PLEKHH1: variants seen among roughly 807,000 people sequenced by gnomAD.
PLEKHH1 encodes the protein pleckstrin homology, MyTH4 and FERM domain containing H1, also known as pleckstrin homology domain-containing family H member 1.
PLEKHH1 carries 104 observed loss-of-function variants against 160.0 expected under a neutral mutation model. The observed-to-expected ratio is 0.65, with a 90% CI of 0.55 to 0.76. PLEKHH1 has a LOEUF of 0.76. Ranked by LOEUF, PLEKHH1 falls within the 30% of genes least tolerant of loss-of-function variation. The pLI is 0.00. For synonymous variants in PLEKHH1, 619 were observed against 678.4 expected (o/e 0.91, Z 1.36); for missense variants, 1,427 against 1,724.1 (o/e 0.83, Z 3.05).
At chr14:67,542,141 C>G (rs779738717) in intron 2 of PLEKHH1, 148 bp downstream of exon 2, 41 of 762,254 alleles carry the variant, frequency 5.4e-5, no homozygotes, top group Non-Finnish European at 7.4e-5. Flanking sequence ...TAGTTTAAGA[C>G]CAAAGTCCGA....
At chr14:67,555,948 C>A in intron 3 of PLEKHH1, 61 bp downstream of exon 3, 1 of 1,588,032 alleles carries the variant, frequency 6.3e-7, no homozygotes, top group Admixed American at 1.8e-5. Flanking sequence ...CCTTCCAGGC[C>A]CTTCCCACGG....
In PLEKHH1 at chr14:67,573,490, G is replaced by A; in HGVS notation, c.1839+104G>A. 1 of 807,956 alleles carries A rather than the reference G, an allele frequency of 1.2e-6. No individual in the cohort carries two copies. Among genetic ancestry groups the A allele is most frequent in the Non-Finnish European group, 2.0e-6 (1 of 494,108 alleles). 50.0% of individuals were successfully genotyped at this position (807,956 alleles called of 1,614,324 possible). ...GGGGGAATGTGGCCCAAGGCCAGAG[G>A]GCAAAGGTCTGGCAGGTGGGGAGAG... On this transcript the variant is annotated intron_variant, in intron 12 of 28. Transcript: ENST00000329153. This position sits in a 1 kb window ranked among gnomAD's most constrained non-coding sequence, Gnocchi z 4.8.
intron 8 of PLEKHH1, 40 bp downstream of exon 8, chr14:67,569,256 G>T: frequency 7.1e-7 from 1 of 1,399,824 alleles, no homozygotes. Flanking sequence ...AAACACCCAA[G>T]GTGGGCAGGG....
intron 15 of PLEKHH1, 90 bp downstream of exon 15, chr14:67,575,562 C>A: frequency 1.2e-6 from 1 of 824,896 alleles, no homozygotes; most frequent in Non-Finnish European, 2.1e-6. Flanking sequence ...GTCCCTACCC[C>A]ACGTAACCCC....
Position 67,578,153 on chromosome 14 carries a change from T to C in PLEKHH1, c.2705T>C (p.Met902Thr), listed in dbSNP as rs950864427. 1 of 1,613,910 alleles carries C rather than the reference T, an allele frequency of 6.2e-7. No homozygotes were observed. The change falls in exon 19 of 29, where the codon ATG (methionine) becomes ACG (threonine). Residue 902 changes from methionine (M) to threonine (T), a missense_variant. By Grantham distance (81) the Met-to-Thr change is moderately conservative (BLOSUM62 -1). Around this residue, in one of 6 missense-constraint regions of PLEKHH1, gnomAD observed 436 missense variants for 607.5 expected, o/e 0.72. Transcript: ENST00000329153. The surrounding 1 kb of genome is among the most constrained non-coding windows in gnomAD (Gnocchi z 5.0). ...CAGAGTGAGATCTACTGCCAACTCA[T>C]GAAGCAGACCAGCTGCCGCCCACCT... The part of the protein sequence containing the change: ...ELQSEIYCQL[M>T]KQTSCRPPQK...
chr14:67,549,751 T>C (rs1029423329), intron 2 of PLEKHH1, among the ~76,000 whole-genome samples: 8 of 152,236 alleles, frequency 5.3e-5, no homozygotes, highest in African/African-American at 1.9e-4. Flanking sequence ...TTTTGCATTC[T>C]GTGGCCAGGC....
rs1351817412 is a variant in PLEKHH1, at chr14:67,587,409, C to T, written c.*174C>T. 5.8e-6 allele frequency: 4 copies of T among 694,704 alleles called. No individual in the cohort carries two copies. Among genetic ancestry groups the T allele is most frequent in the Non-Finnish European group, 9.8e-6 (4 of 409,538 alleles). 43.0% of individuals were successfully genotyped at this position (694,704 alleles called of 1,614,324 possible). ...ACTCTCTAGGTGCCTTATAATGTTT[C>T]AGGGCTCAACTTTTTAAAATCCAGA... On this transcript the variant is annotated 3_prime_UTR_variant, in exon 29 of 29. Transcript: ENST00000329153.
chr14:67,587,967 C>T lies in PLEKHH1; in HGVS notation c.*732C>T, dbSNP rs1361949496. 1.3e-5 allele frequency: 2 copies of T among 152,612 alleles called. No homozygotes were observed. Among genetic ancestry groups the T allele is most frequent in the African/African-American group, 4.8e-5 (2 of 41,466 alleles). The allele number at this position is 152,612 out of a possible 1,614,324, so 9.5% of individuals were successfully genotyped here. Reference sequence around the variant, plus strand: ...TACACTCTGTCAGAAGCCTAGAACTCACTAAACTGGGCTGCCTTTCCCAAA... The same window carrying T: ...TACACTCTGTCAGAAGCCTAGAACTTACTAAACTGGGCTGCCTTTCCCAAA... On this transcript the variant is annotated 3_prime_UTR_variant, in exon 29 of 29. Coordinates refer to ENST00000329153, the MANE Select transcript of PLEKHH1 (RefSeq NM_020715.3).
Position 67,577,360 on chromosome 14 carries a change from C to G in PLEKHH1, c.2520C>G (p.Ser840=), listed in dbSNP as rs2035668307. 1.9e-6 allele frequency: 3 copies of G among 1,591,114 alleles called. No individual in the cohort carries two copies. Among genetic ancestry groups the G allele is most frequent in the South Asian group, 2.3e-5 (2 of 86,846 alleles). ...ACAGCAAAGACGGCCTATACGCCTC[C>G]CTCACCACCCTGCCCTCTGAGGCCT... is the stretch of plus-strand genomic sequence containing the variant. The part of the protein sequence containing the change: ...LCYSKDGLYA[S]LTTLPSEALQ... The change falls in exon 18 of 29, where the codon TCC becomes TCG. Residue 840 remains serine (S), a synonymous_variant. Transcript: ENST00000329153.
intron 2 of PLEKHH1, among the ~76,000 whole-genome samples, chr14:67,548,057 G>C (rs895441437): frequency 1.3e-5 from 2 of 152,174 alleles, no homozygotes; most frequent in Admixed American, 6.5e-5. Context: ...CTGATGACTT[G>C]AGATTCACAT....
At chr14:67,553,699 C>T (rs2034486952) in intron 2 of PLEKHH1, among the ~76,000 whole-genome samples, 1 of 152,210 alleles carries the variant, frequency 6.6e-6, no homozygotes, top group Admixed American at 6.5e-5. Context: ...GGCAACCACC[C>T]CTATAAACAT....
Position 67,561,886 on chromosome 14 carries a change from A to AG in PLEKHH1, c.424-67dup, listed in dbSNP as rs2034851877. ...CCCTGTCTCAAAAAAAAAAAAAAAA[A>AG]GAATTGAAAAAATACATCTAAACCT... On this transcript the variant is annotated intron_variant, in intron 5 of 28. Transcript: ENST00000329153. 1.4e-4 allele frequency: 156 copies of AG among 1,108,242 alleles called. No individual in the cohort carries two copies. In the South Asian group the frequency reaches 2.1e-3, roughly 15 times the overall value. The allele number at this position is 1,108,242 out of a possible 1,614,324, so 68.7% of individuals were successfully genotyped here.
chr14:67,559,515 C>T (rs368941462), intron 4 of PLEKHH1, 93 bp from the exon 5 acceptor site: 62 of 793,910 alleles, frequency 7.8e-5, no homozygotes, highest in South Asian at 7.2e-4. Context: ...GTCAGTGGCA[C>T]GCACACTTGG....
chr14:67,538,898 C>T (rs1037107936), intron 1 of PLEKHH1, among the ~76,000 whole-genome samples: 1 of 152,310 alleles, frequency 6.6e-6, no homozygotes, highest in South Asian at 2.1e-4. Flanking sequence ...TAGGCAGACA[C>T]CAGTGACATA....
chr14:67,577,937 G>T, intron 18 of PLEKHH1, 86 bp from the exon 19 acceptor site: 2 of 1,259,584 alleles, frequency 1.6e-6, no homozygotes, highest in South Asian at 2.7e-5. Context: ...TAACCTCCCT[G>T]GAGCCCTTGG....
In PLEKHH1 at chr14:67,573,277, A is replaced by C. The variant is rs757022592; in HGVS notation, c.1730A>C (p.Glu577Ala). 1.2e-6 allele frequency: 2 copies of C among 1,600,372 alleles called. No individual in the cohort carries two copies. Among genetic ancestry groups the C allele is most frequent in the South Asian group, 2.2e-5 (2 of 90,810 alleles). ...YSTDGLGLGG[E>A]SLEKSGYLLK... ...CATCTACACCCTTCCACCCCTCAGG[A>C]GTCACTGGAGAAGTCGGGCTACCTG... The change falls in exon 12 of 29, where the codon GAG becomes GCG. Residue 577 changes from glutamate to alanine, a missense_variant and splice_region_variant. By Grantham distance (107) the Glu-to-Ala change is moderately radical (BLOSUM62 -1). Transcript: ENST00000329153. This position sits in a 1 kb window ranked among gnomAD's most constrained non-coding sequence, Gnocchi z 4.8.
chr14:67,549,518 G>C (rs61988246), intron 2 of PLEKHH1, among the ~76,000 whole-genome samples: 10,570 of 152,164 alleles, frequency 0.069, 417 homozygotes, highest in East Asian at 0.13. Flanking sequence ...TGATCCGCCT[G>C]CCTCGGCCTC....
At chr14:67,536,299 C>CCCTTCTCCCAG (rs1197120325) in intron 1 of PLEKHH1, among the ~76,000 whole-genome samples, 3 of 151,810 alleles carry the variant, frequency 2.0e-5, no homozygotes, top group Non-Finnish European at 4.4e-5. Flanking sequence ...TACACTCACA[C>CCCTTCTCCCAG]CCTTCTCCCA....
At chr14:67,567,846 C>A (rs955837368) in intron 7 of PLEKHH1, among the ~76,000 whole-genome samples, 5 of 146,364 alleles carry the variant, frequency 3.4e-5, no homozygotes, top group Non-Finnish European at 5.9e-5. Context: ...CTTCCCTCGT[C>A]AGCCTTGGTG....
Sources: gnomAD v4.1 joint callset for allele counts (sites outside exome capture counted in the v4.1 genomes callset) on GRCh38, gnomAD v4.1.1 for gene constraint, gnomAD v4.1.1 regional missense constraint, Gnocchi (gnomAD v3.1) non-coding constraint, MANE v1.5 for transcripts, NCBI Gene and HGNC (gene_info 2026-07-23, HGNC 2026-07-21) for gene names.